RTN4: variants seen among roughly 807,000 people sequenced by gnomAD.
RTN4 encodes reticulon-4.
RTN4 carries 32 observed loss-of-function variants against 90.4 expected under a neutral mutation model. The observed-to-expected ratio is 0.35, with a 90% CI of 0.27 to 0.48. The LOEUF (loss-of-function observed/expected upper bound fraction) is 0.48. Among genes scored for constraint, RTN4 ranks in the 20% least tolerant of loss-of-function variants. The pLI is 0.99. For synonymous variants in RTN4, 629 were observed against 552.5 expected (o/e 1.14, Z -1.94); for missense variants, 1,706 against 1,430.2 (o/e 1.19, Z -3.11).
intron 3 of RTN4, among the ~76,000 whole-genome samples, chr2:55,007,820 C>A (rs1158619731): frequency 6.6e-6 from 1 of 152,056 alleles, no homozygotes; most frequent in Non-Finnish European, 1.5e-5. Context: ...CCAATCTTAT[C>A]TTTCAACTCC....
chr2:55,011,732 C>A (rs1426519347), intron 3 of RTN4, among the ~76,000 whole-genome samples: 2 of 151,888 alleles, frequency 1.3e-5, no homozygotes, highest in Non-Finnish European at 2.9e-5. Flanking sequence ...ATAGAAAGAA[C>A]TAAAATTAGG....
rs772091290 is a variant in RTN4 at position 55,050,049 on chromosome 2, G to A, written c.252C>T (p.Asp84=). 38 of 1,417,528 alleles carry A rather than the reference G, an allele frequency of 2.7e-5. No homozygotes were observed. Among genetic ancestry groups the A allele is most frequent in the South Asian group, 3.0e-5 (2 of 65,900 alleles). 87.8% of individuals were successfully genotyped at this position (1,417,528 alleles called of 1,614,324 possible). A position where few individuals can be genotyped will look rare whatever the true frequency, so the allele number is the denominator to read the frequency against. ...AGAPLMDFGN[D]FVPPAPRGPL... ...GTCCCCGGGGCGCCGGCGGCACGAA[G>A]TCATTTCCGAAGTCCATCAGGGGCG... Residue 84 remains aspartate (D), a synonymous_variant, in exon 1 of 9, where the codon GAC becomes GAT. Transcript: ENST00000337526. The surrounding 1 kb of genome is among the most constrained non-coding windows in gnomAD (Gnocchi z 4.6).
upstream of RTN4, among the ~76,000 whole-genome samples, chr2:55,052,583 A>C (rs114482329): frequency 4.3e-3 from 657 of 152,264 alleles, 3 homozygotes; most frequent in African/African-American, 0.015. Context: ...AGGAAGAGAG[A>C]TGTATTGATG....
At chr2:54,978,540 G>C (rs995219854) in intron 5 of RTN4, among the ~76,000 whole-genome samples, 1 of 151,404 alleles carries the variant, frequency 6.6e-6, no homozygotes, top group Non-Finnish European at 1.5e-5. Flanking sequence ...TGAAGACAAT[G>C]AGTTATAGAG....
At chr2:55,000,631 T>C (rs1168097549) in intron 3 of RTN4, among the ~76,000 whole-genome samples, 3 of 152,188 alleles carry the variant, frequency 2.0e-5, no homozygotes, top group African/African-American at 7.2e-5. Context: ...ACATATGTGA[T>C]GCAAATGTAT....
In RTN4 at chr2:55,025,941, C is replaced by G. The variant is rs928437910; in HGVS notation, c.2158G>C (p.Glu720Gln). 1.2e-6 allele frequency: 2 copies of G among 1,612,786 alleles called. No homozygotes were observed. The highest frequency in any genetic ancestry group is 2.7e-5 in the African/African-American group (2 of 74,858). ...ACTGGCTGTTCAACTTTTGCCATTT[C>G]TGAATAATCAGAGAAATCCGGAGCT... ...EPAPDFSDYS[E>Q]MAKVEQPVPD... Residue 720 changes from glutamate (E) to glutamine (Q), a missense_variant, in exon 3 of 9, where the codon GAA becomes CAA. Glu to Gln is a conservative substitution (Grantham distance 29, BLOSUM62 2). Transcript: ENST00000337526.
chr2:55,105,671 GT>G (rs1481172822), intron 1 of RTN4, among the ~76,000 whole-genome samples: 1 of 151,996 alleles, frequency 6.6e-6, no homozygotes, highest in East Asian at 1.9e-4. Flanking sequence ...TCTTATTGTA[GT>G]CAAAAGCAAT....
chr2:55,011,041 A>T (rs952656450), intron 3 of RTN4, among the ~76,000 whole-genome samples: 1 of 151,962 alleles, frequency 6.6e-6, no homozygotes, highest in Non-Finnish European at 1.5e-5. Flanking sequence ...TTTATTTTTT[A>T]TTTTTTTCTG....
intron 2 of RTN4, among the ~76,000 whole-genome samples, chr2:55,074,753 G>A (rs1372784470): frequency 6.6e-6 from 1 of 152,040 alleles, no homozygotes; most frequent in Non-Finnish European, 1.5e-5. Context: ...TTTCATAACA[G>A]GAATAAAGGG....
chr2:55,030,545 T>A (rs114391664), intron 1 of RTN4, among the ~76,000 whole-genome samples: 156 of 152,286 alleles, frequency 1.0e-3, no homozygotes, highest in African/African-American at 3.5e-3. Context: ...CTGTAACTCT[T>A]AGCCTTTCTG....
At position 55,026,190 on chromosome 2, in the gene RTN4, A is replaced by C; in HGVS notation, c.1909T>G (p.Ser637Ala). ...AGASVIQPSSSPLEASSVNYE... is the reference protein window; with the variant it reads ...AGASVIQPSSAPLEASSVNYE... The stretch of plus-strand genomic sequence containing the variant: ...TTAACTGAAGAAGCTTCTAATGGTG[A>C]TGAGCTGGGCTGTATCACGGAAGCA... Residue 637 changes from serine (S) to alanine (A), a missense_variant, in exon 3 of 9, where the codon TCA (serine) becomes GCA (alanine). Coordinates refer to ENST00000337526, the MANE Select transcript of RTN4 (RefSeq NM_020532.5). The C allele has an allele frequency of 6.2e-7, 1 of 1,613,612 alleles. No homozygotes were observed. The highest frequency in any genetic ancestry group is 8.5e-7 in the Non-Finnish European group (1 of 1,179,834).
rs1042370690 is a variant in RTN4, at chr2:54,972,964, A to AAGAT, written c.*188_*191dup. On this transcript the variant is annotated 3_prime_UTR_variant, in exon 9 of 9. Coordinates refer to ENST00000337526, the MANE Select transcript of RTN4 (RefSeq NM_020532.5). ...CCATACATAGCAGCTTACAATACTT[A>AAGAT]AGATGATGAACACATGGCAGTCAAG... is the stretch of plus-strand genomic sequence containing the variant. The AAGAT allele has an allele frequency of 4.5e-5, 22 of 492,596 alleles. No homozygotes were observed. The highest frequency in any genetic ancestry group is 4.2e-4 in the African/African-American group (22 of 52,400). The allele number at this position is 492,596 out of a possible 1,614,324, so 30.5% of individuals were successfully genotyped here.
chr2:55,080,190 GT>G (rs1489135354), intron 2 of RTN4, among the ~76,000 whole-genome samples: 1 of 151,892 alleles, frequency 6.6e-6, no homozygotes, highest in Non-Finnish European at 1.5e-5. Flanking sequence ...CTAACTTTTT[GT>G]ATTTTTTTTG....
intron 1 of RTN4, among the ~76,000 whole-genome samples, chr2:55,108,337 T>C (rs759118202): frequency 1.1e-4 from 16 of 152,088 alleles, no homozygotes; most frequent in African/African-American, 3.4e-4. Context: ...ATTTCAGTAG[T>C]AATCCCCAAA....
chr2:55,096,125 A>G (rs1271976794), intron 1 of RTN4, among the ~76,000 whole-genome samples: 2 of 152,148 alleles, frequency 1.3e-5, no homozygotes, highest in African/African-American at 4.8e-5. Flanking sequence ...ACGGGAGTTC[A>G]AGCCCAACCT....
intron 1 of RTN4, among the ~76,000 whole-genome samples, chr2:55,036,599 C>CAAA (rs71410411): frequency 6.3e-4 from 46 of 72,964 alleles, no homozygotes; most frequent in Middle Eastern, 8.2e-3. Flanking sequence ...AAGACTGTCT[C>CAAA]AAAAAAAAAA....
At chr2:54,995,315 T>A (rs1340576320) in intron 3 of RTN4, among the ~76,000 whole-genome samples, 1 of 151,724 alleles carries the variant, frequency 6.6e-6, no homozygotes, top group Non-Finnish European at 1.5e-5. Context: ...AAGCTATATA[T>A]ACATTTAAGA....
the RTN4 span, among the ~76,000 whole-genome samples, chr2:55,124,027 C>T: frequency 2.6e-5 from 4 of 152,124 alleles, no homozygotes; most frequent in Non-Finnish European, 1.5e-5. Flanking sequence ...CACAGCTGAG[C>T]AAAGGCAAAA....
At chr2:54,995,473 G>A (rs748406179) in intron 3 of RTN4, among the ~76,000 whole-genome samples, 12 of 152,068 alleles carry the variant, frequency 7.9e-5, no homozygotes, top group Non-Finnish European at 1.6e-4. Context: ...AACAAATATG[G>A]AGGGATCTCT....
Sources: gnomAD v4.1 joint callset for allele counts (sites outside exome capture counted in the v4.1 genomes callset) on GRCh38, gnomAD v4.1.1 for gene constraint, Gnocchi (gnomAD v3.1) non-coding constraint, MANE v1.5 for transcripts, NCBI Gene and HGNC (gene_info 2026-07-23, HGNC 2026-07-21) for gene names.